VAV3: variants seen among roughly 807,000 people sequenced by gnomAD.
The protein encoded by VAV3 is guanine nucleotide exchange factor VAV3.
A neutral mutation model predicts 131.2 loss-of-function variants in VAV3; 94 were observed. The ratio of observed to expected loss-of-function variants is 0.72; its 90% confidence interval spans 0.61 to 0.85. The LOEUF (loss-of-function observed/expected upper bound fraction) is 0.85, where lower values mean the gene tolerates loss of function less well. VAV3 is among the 40% of genes least tolerant of loss of function. The pLI, the probability that VAV3 is intolerant of heterozygous loss-of-function variation, is 0.00. For synonymous variants in VAV3, 349 were observed against 342.0 expected (o/e 1.02, Z -0.22); for missense variants, 939 against 1,002.7 (o/e 0.94, Z 0.86).
intron 15 of VAV3, among the ~76,000 whole-genome samples, chr1:107,722,371 A>G (rs1324799094): frequency 1.3e-5 from 2 of 152,158 alleles, no homozygotes; most frequent in Non-Finnish European, 2.9e-5. Flanking sequence ...TACAGTCTCT[A>G]TCCATTTTGA....
chr1:107,944,929 G>A (rs1004271752), intron 1 of VAV3, among the ~76,000 whole-genome samples: 23 of 152,204 alleles, frequency 1.5e-4, no homozygotes, highest in African/African-American at 5.1e-4. Flanking sequence ...TTGAACCTGC[G>A]GAAGTTAAGA....
At chr1:107,649,758 G>C (rs1656019017) in intron 19 of VAV3, among the ~76,000 whole-genome samples, 1 of 151,986 alleles carries the variant, frequency 6.6e-6, no homozygotes, top group Non-Finnish European at 1.5e-5. Context: ...TTGTTCTATG[G>C]GTTCATTCAC....
At chr1:107,593,257 T>C (rs1651110617) in intron 25 of VAV3, among the ~76,000 whole-genome samples, 1 of 152,168 alleles carries the variant, frequency 6.6e-6, no homozygotes, top group Non-Finnish European at 1.5e-5. Context: ...CTTATCACAT[T>C]GTACATACTT....
At position 107,705,073 on chromosome 1, in the gene VAV3, A is replaced by G. The variant is rs748831141; in HGVS notation, c.1503-12T>C. The G allele has an allele frequency of 6.3e-6, 10 of 1,589,228 alleles. No homozygotes were observed. In the Admixed American group the frequency reaches 1.0e-4, roughly 16 times the overall value. On this transcript the variant is annotated splice_polypyrimidine_tract_variant and intron_variant, in intron 15 of 26. Coordinates refer to ENST00000370056, the MANE Select transcript of VAV3 (RefSeq NM_006113.5). ...GTCTTATGTTAGACCTAAAAAAAGG[A>G]AAAAAATAACTTTCTATAGAAAGTT...
intron 1 of VAV3, among the ~76,000 whole-genome samples, chr1:107,892,005 T>C (rs1285147282): frequency 6.6e-6 from 1 of 152,168 alleles, no homozygotes; most frequent in African/African-American, 2.4e-5. Flanking sequence ...TTTAGTCTAG[T>C]GAAATTTGCA....
chr1:107,715,906 G>A lies in VAV3; in HGVS notation c.1503-10845C>T, dbSNP rs147408186. 3.7e-4 allele frequency among the ~76,000 whole-genome samples: 57 copies of A among 152,260 alleles called. No individual in the cohort carries two copies. In the East Asian group the frequency reaches 0.01, roughly 28 times the overall value. The stretch of plus-strand genomic sequence containing the variant: ...TAAGTTGTATCACATTTCAAATTAT[G>A]TCTGATAATATAAAGTTTGCTGTGG... On this transcript the variant is annotated intron_variant, in intron 15 of 26. Coordinates refer to ENST00000370056, the MANE Select transcript of VAV3 (RefSeq NM_006113.5).
At chr1:107,748,050 T>C (rs1663464095) in intron 15 of VAV3, among the ~76,000 whole-genome samples, 1 of 152,162 alleles carries the variant, frequency 6.6e-6, no homozygotes, top group Non-Finnish European at 1.5e-5. Context: ...AAAATAACCT[T>C]GAGAATCTTT....
At chr1:107,918,517 T>C (rs1672728315) in intron 1 of VAV3, among the ~76,000 whole-genome samples, 1 of 152,006 alleles carries the variant, frequency 6.6e-6, no homozygotes, top group South Asian at 2.1e-4. Context: ...GGGTAAATGA[T>C]GAAAGAGGCC....
chr1:107,580,821 T>A (rs1229436674), intron 25 of VAV3, among the ~76,000 whole-genome samples: 1 of 152,240 alleles, frequency 6.6e-6, no homozygotes, highest in Non-Finnish European at 1.5e-5. Flanking sequence ...TAGAATGATT[T>A]AACCTGTAAA....
intron 12 of VAV3, among the ~76,000 whole-genome samples, chr1:107,755,151 A>AG (rs2102093897): frequency 6.6e-6 from 1 of 152,192 alleles, no homozygotes; most frequent in South Asian, 2.1e-4. Flanking sequence ...GGGAAAGAAA[A>AG]GAAAAAAAAA....
intron 19 of VAV3, among the ~76,000 whole-genome samples, chr1:107,657,569 T>C (rs1656668673): frequency 6.6e-6 from 1 of 152,160 alleles, no homozygotes; most frequent in South Asian, 2.1e-4. Context: ...GGGTATATAT[T>C]GTCTTAGACA....
At chr1:107,791,738 C>A (rs900798116) in intron 2 of VAV3, among the ~76,000 whole-genome samples, 1 of 152,108 alleles carries the variant, frequency 6.6e-6, no homozygotes, top group Non-Finnish European at 1.5e-5. Flanking sequence ...CTTTTTGAAA[C>A]CCTGAGGTCC....
Position 107,704,653 on chromosome 1 carries a change from G to A in VAV3, c.1605-3C>T. The A allele has an allele frequency of 1.2e-6, 2 of 1,607,574 alleles. No individual in the cohort carries two copies. The highest frequency in any genetic ancestry group is 2.2e-5 in the East Asian group (1 of 44,822). On this transcript the variant is annotated splice_region_variant and splice_polypyrimidine_tract_variant and intron_variant, in intron 16 of 26. Coordinates refer to ENST00000370056, the MANE Select transcript of VAV3 (RefSeq NM_006113.5). ...AATAGCCTTGATAAAATGTTCCCCT[G>A]AAAGGTGAAATAAGAAAGTGGTATA...
chr1:107,767,980 T>C (rs141947705), intron 7 of VAV3, among the ~76,000 whole-genome samples: 2 of 152,312 alleles, frequency 1.3e-5, no homozygotes, highest in Non-Finnish European at 2.9e-5. Flanking sequence ...GGGAGTTACA[T>C]ATGATACAAC....
In VAV3 at chr1:107,689,603, C is replaced by T. The variant is rs552613451; in HGVS notation, c.1706-1197G>A. ...CAGAAAGTCACCTTCAGAAGAAAAG[C>T]TAAGTCCTCATCCCTTTGTCAATTT... On this transcript the variant is annotated intron_variant, in intron 17 of 26. Transcript: ENST00000370056. Among the ~76,000 whole-genome samples, 197 of 151,872 alleles carry T rather than the reference C, an allele frequency of 1.3e-3. 1 individual carries two copies. Among genetic ancestry groups the T allele is most frequent in the African/African-American group, 4.3e-3 (177 of 41,372 alleles).
chr1:107,844,088 C>T (rs888882205), intron 2 of VAV3, among the ~76,000 whole-genome samples: 4 of 151,892 alleles, frequency 2.6e-5, no homozygotes, highest in South Asian at 4.2e-4. Context: ...ATGCAGAAGG[C>T]GGGTGATTTC....
intron 15 of VAV3, among the ~76,000 whole-genome samples, chr1:107,707,394 T>C (rs1243667944): frequency 2.0e-5 from 3 of 152,168 alleles, no homozygotes; most frequent in South Asian, 2.1e-4. Flanking sequence ...AAAACAGGAA[T>C]ACCAATAAAA....
intron 25 of VAV3, among the ~76,000 whole-genome samples, chr1:107,589,823 C>T (rs1042138581): frequency 6.6e-5 from 10 of 151,898 alleles, no homozygotes; most frequent in Admixed American, 2.0e-4. Context: ...GGAACCTGTA[C>T]GAAGGAGATA....
rs571952004 is a variant in VAV3, at chr1:107,835,370, G to A, written c.321+39531C>T. Among the ~76,000 whole-genome samples, 33 of 152,316 alleles carry A rather than the reference G, an allele frequency of 2.2e-4. 1 individual carries two copies. The South Asian group carries it at 6.4e-3, about 30-fold the overall frequency. On this transcript the variant is annotated intron_variant, in intron 2 of 26. Transcript: ENST00000370056. ...AGGCTTGTGGCAACCCCCCAGGTTA[G>A]AGCAGATGGCTCAGGAGTGACAAGC...
Sources: gnomAD v4.1 joint callset for allele counts (sites outside exome capture counted in the v4.1 genomes callset) on GRCh38, gnomAD v4.1.1 for gene constraint, MANE v1.5 for transcripts, NCBI Gene and HGNC (gene_info 2026-07-23, HGNC 2026-07-21) for gene names.